Variants in CCDC69 observed in about 807,000 individuals in gnomAD.
CCDC69 encodes the protein coiled-coil domain-containing protein 69.
A neutral mutation model predicts 40.3 loss-of-function variants in CCDC69; 38 were observed. That is an observed-to-expected ratio of 0.94 (90% CI 0.73 to 1.24). The LOEUF (loss-of-function observed/expected upper bound fraction) is 1.24. Among genes scored for constraint, CCDC69 ranks in the 50% most tolerant of loss-of-function variants. The pLI, the probability that CCDC69 is intolerant of heterozygous loss-of-function variation, is 0.00. For synonymous variants in CCDC69, 141 were observed against 138.9 expected (o/e 1.02, Z -0.11); for missense variants, 389 against 357.9 (o/e 1.09, Z -0.70).
At chr5:151,190,086 C>T (rs1427375764) in intron 4 of CCDC69, among the ~76,000 whole-genome samples, 1 of 152,108 alleles carries the variant, frequency 6.6e-6, no homozygotes, top group Admixed American at 6.6e-5. Context: ...AAAAGAATTG[C>T]TAAAGGAAAT....
chr5:151,184,627 T>C, intron 7 of CCDC69, 186 bp from the exon 8 acceptor site: 1 of 521,224 alleles, frequency 1.9e-6, no homozygotes, highest in Non-Finnish European at 3.4e-6. Context: ...GCTGCGGCTT[T>C]TTGCCACAGG....
intron 1 of CCDC69, among the ~76,000 whole-genome samples, chr5:151,223,521 G>A (rs1753168058): frequency 6.6e-6 from 1 of 152,258 alleles, no homozygotes; most frequent in South Asian, 2.1e-4. Context: ...CACTCTTCGA[G>A]CAGCCCTGAG....
intron 4 of CCDC69, among the ~76,000 whole-genome samples, chr5:151,196,688 T>C (rs1383607485): frequency 6.6e-6 from 1 of 151,194 alleles, no homozygotes; most frequent in Non-Finnish European, 1.5e-5. Flanking sequence ...CCACTTTATG[T>C]GCACTAGGAT....
At chr5:151,192,146 A>T (rs1271179380) in intron 4 of CCDC69, among the ~76,000 whole-genome samples, 1 of 149,608 alleles carries the variant, frequency 6.7e-6, no homozygotes, top group Non-Finnish European at 1.5e-5. Context: ...CTAACCAAAT[A>T]TAAAGCAAGC....
intron 3 of CCDC69, among the ~76,000 whole-genome samples, chr5:151,200,195 G>A (rs1463847277): frequency 6.6e-6 from 1 of 151,838 alleles, no homozygotes; most frequent in Admixed American, 6.6e-5. Context: ...CAAGAGTGCA[G>A]TGGTGAGATC....
intron 5 of CCDC69, among the ~76,000 whole-genome samples, chr5:151,186,825 C>T (rs748322351): frequency 1.2e-4 from 19 of 152,182 alleles, no homozygotes; most frequent in Non-Finnish European, 1.8e-4. Context: ...CCCTTGCTCA[C>T]GTTCTTAGCC....
intron 6 of CCDC69, among the ~76,000 whole-genome samples, 155 bp downstream of exon 6, chr5:151,185,868 G>A (rs186192364): frequency 8.6e-4 from 131 of 152,180 alleles, no homozygotes; most frequent in Middle Eastern, 3.4e-3. Flanking sequence ...TTTTCCCATC[G>A]GTGAAATGGG....
Position 151,181,852 on chromosome 5 carries a change from G to A in CCDC69, c.*1585C>T, listed in dbSNP as rs918569198. ...CCAGGGCTTTCCTCGAGGCTCCTGGGTGACCTGTCTGACCATGGCTGGAGA... is the reference window on the plus strand; with the variant it reads ...CCAGGGCTTTCCTCGAGGCTCCTGGATGACCTGTCTGACCATGGCTGGAGA... On this transcript the variant is annotated 3_prime_UTR_variant, in exon 9 of 9. Coordinates refer to ENST00000355417, the MANE Select transcript of CCDC69 (RefSeq NM_015621.3). The A allele has an allele frequency of 2.6e-5, 4 of 152,202 alleles. No individual in the cohort carries two copies. Among genetic ancestry groups the A allele is most frequent in the Non-Finnish European group, 5.9e-5 (4 of 68,056 alleles). 9.4% of individuals were successfully genotyped at this position (152,202 alleles called of 1,614,324 possible).
rs372446543 is a variant in CCDC69, at chr5:151,211,463, G to A, written c.49-5988C>T. On this transcript the variant is annotated intron_variant, in intron 1 of 8. Coordinates refer to ENST00000355417, the MANE Select transcript of CCDC69 (RefSeq NM_015621.3). ...GCCACCTGGAAAGCTTGCTTAACAC[G>A]AATGTCCAGGCTGCATTCTAGACCT... Among the ~76,000 whole-genome samples, 7 of 151,370 alleles carry A rather than the reference G, an allele frequency of 4.6e-5. No individual in the cohort carries two copies. In the East Asian group the frequency reaches 7.8e-4, roughly 17 times the overall value.
chr5:151,223,944 G>C lies in CCDC69; in HGVS notation c.27C>G (p.Ser9Arg). The change falls in exon 1 of 9, where the codon AGC (serine) becomes AGG (arginine). Residue 9 changes from serine (S) to arginine (R), a missense_variant. By Grantham distance (110) the Ser-to-Arg change is moderately radical. Transcript: ENST00000355417. MGCRHSRL[S>R]SCKPPKKKRQ... Reference sequence around the variant, plus strand: ...TTACCTTTTTCGGGGGTTTGCAGCTGCTCAGCCTGCTGTGTCTGCAGCCCA... The same window carrying C: ...TTACCTTTTTCGGGGGTTTGCAGCTCCTCAGCCTGCTGTGTCTGCAGCCCA... The C allele has an allele frequency of 6.3e-7, 1 of 1,576,800 alleles. No individual in the cohort carries two copies. Among genetic ancestry groups the C allele is most frequent in the Non-Finnish European group, 8.6e-7 (1 of 1,164,960 alleles).
At chr5:151,206,513 A>C (rs1752855380) in intron 1 of CCDC69, among the ~76,000 whole-genome samples, 3 of 152,238 alleles carry the variant, frequency 2.0e-5, no homozygotes, top group Admixed American at 2.0e-4. Flanking sequence ...TTTCTGCATC[A>C]CAAAGCAGTG....
Position 151,213,325 on chromosome 5 carries a change from C to T in CCDC69, c.49-7850G>A, listed in dbSNP as rs564530597. Among the ~76,000 whole-genome samples the T allele has an allele frequency of 2.0e-5, 3 of 152,242 alleles. No individual in the cohort carries two copies. The East Asian group carries it at 5.8e-4, about 29-fold the overall frequency. ...GCAGTGGCGTGATCTCGGCTCACTG[C>T]AAGCTCTGCCTCCTGGGTTCACGCC... On this transcript the variant is annotated intron_variant, in intron 1 of 8. Coordinates refer to ENST00000355417, the MANE Select transcript of CCDC69 (RefSeq NM_015621.3).
At chr5:151,197,651 C>A (rs1360054346) in intron 4 of CCDC69, among the ~76,000 whole-genome samples, 2 of 152,172 alleles carry the variant, frequency 1.3e-5, no homozygotes, top group African/African-American at 2.4e-5. Context: ...AATGGTAAAT[C>A]TTATGTCTAT....
intron 1 of CCDC69, among the ~76,000 whole-genome samples, chr5:151,221,721 G>A (rs153465): frequency 0.024 from 3,617 of 152,318 alleles, 72 homozygotes; most frequent in Non-Finnish European, 0.039. Flanking sequence ...GAGACTGGGC[G>A]GGATGTGAAA....
intron 1 of CCDC69, among the ~76,000 whole-genome samples, chr5:151,221,963 A>C (rs866466037): frequency 6.6e-6 from 1 of 152,242 alleles, no homozygotes; most frequent in African/African-American, 2.4e-5. Flanking sequence ...ACAGCCCATA[A>C]ATCTTGCCAT....
chr5:151,196,285 T>C (rs1561600292), intron 4 of CCDC69, among the ~76,000 whole-genome samples: 1 of 152,056 alleles, frequency 6.6e-6, no homozygotes, highest in Non-Finnish European at 1.5e-5. Context: ...CTCAGTATCC[T>C]GAGTAGCTGG....
chr5:151,214,712 C>G (rs1753009994), intron 1 of CCDC69, among the ~76,000 whole-genome samples: 1 of 152,222 alleles, frequency 6.6e-6, no homozygotes, highest in South Asian at 2.1e-4. Context: ...GCTCTGAACA[C>G]CTGCAGGACC....
chr5:151,195,424 A>C lies in CCDC69; in HGVS notation c.319+3573T>G, dbSNP rs559479423. Among the ~76,000 whole-genome samples, 46 of 152,298 alleles carry C rather than the reference A, an allele frequency of 3.0e-4. No homozygotes were observed. In the East Asian group the frequency reaches 7.7e-3, roughly 26 times the overall value. On this transcript the variant is annotated intron_variant, in intron 4 of 8. Coordinates refer to ENST00000355417, the MANE Select transcript of CCDC69 (RefSeq NM_015621.3). Reference sequence around the variant, plus strand: ...CAGTTCAACAGGGTATGGTATTATTAAAACACAATTCTTCGGCTGGGCGAG... The same window carrying C: ...CAGTTCAACAGGGTATGGTATTATTCAAACACAATTCTTCGGCTGGGCGAG...
intron 4 of CCDC69, among the ~76,000 whole-genome samples, chr5:151,194,305 GA>G (rs1329887063): frequency 6.6e-6 from 1 of 152,206 alleles, no homozygotes; most frequent in Non-Finnish European, 1.5e-5. Context: ...AACAGTGAAT[GA>G]GTAAACAATG....
Sources: allele counts gnomAD v4.1 joint callset (sites outside exome capture counted in the v4.1 genomes callset), GRCh38; gene constraint gnomAD v4.1.1; transcripts MANE v1.5; gene names NCBI Gene and HGNC (gene_info 2026-07-23, HGNC 2026-07-21).